SPDYE14: variants seen among roughly 807,000 people sequenced by gnomAD.
The protein encoded by SPDYE14 is speedy protein E14.
the SPDYE14 span, among the ~76,000 whole-genome samples, chr7:75,247,507 GGAAA>G: frequency 1.1e-3 from 124 of 116,752 alleles, 8 homozygotes; most frequent in Middle Eastern, 0.01. Context: ...GAAAGAAAGA[GGAAA>G]GAAAGAAAGA....
chr7:75,276,809 A>C, the SPDYE14 span, among the ~76,000 whole-genome samples: 2 of 136,278 alleles, frequency 1.5e-5, no homozygotes, highest in Non-Finnish European at 3.1e-5. Flanking sequence ...CAGGAGGATC[A>C]TGTGAGCCCA....
the SPDYE14 span, among the ~76,000 whole-genome samples, chr7:75,261,382 G>T: frequency 6.9e-5 from 4 of 57,930 alleles, no homozygotes; most frequent in African/African-American, 1.8e-4. Context: ...GGGCTCAGTG[G>T]AAGCTTACCT....
At chr7:75,279,309 CAG>C in the SPDYE14 span, among the ~76,000 whole-genome samples, 3 of 64,950 alleles carry the variant, frequency 4.6e-5, no homozygotes, top group Non-Finnish European at 8.7e-5. Context: ...TCTTTTGAGA[CAG>C]AGTCTCACTC....
At chr7:75,238,522 C>CCCCTG in the SPDYE14 span, among the ~76,000 whole-genome samples, 1 of 39,224 alleles carries the variant, frequency 2.5e-5, no homozygotes, top group Non-Finnish European at 8.5e-5. Flanking sequence ...GGCCCACGCG[C>CCCCTG]CCGGACCACA....
chr7:75,272,989 G>A, the SPDYE14 span, among the ~76,000 whole-genome samples: 2 of 58,324 alleles, frequency 3.4e-5, 1 homozygote, highest in East Asian at 4.2e-3. Context: ...ATCACGGGGC[G>A]GATTTCTCAT....
the SPDYE14 span, among the ~76,000 whole-genome samples, chr7:75,273,334 C>T: frequency 1.3e-4 from 8 of 60,462 alleles, 3 homozygotes; most frequent in African/African-American, 3.2e-4. Context: ...GTCATGAGTT[C>T]GAGACCAGCC....
At chr7:75,265,204 AT>A in the SPDYE14 span, among the ~76,000 whole-genome samples, 1 of 78,710 alleles carries the variant, frequency 1.3e-5, no homozygotes, top group Non-Finnish European at 2.5e-5. Context: ...GGTTCAAGTG[AT>A]TATCCTGCCT....
the SPDYE14 span, among the ~76,000 whole-genome samples, chr7:75,244,198 T>C: frequency 7.5e-5 from 3 of 40,064 alleles, 1 homozygote; most frequent in Admixed American, 8.1e-4. Context: ...CCCAGGTTCA[T>C]GCCATTCTCC....
the SPDYE14 span, among the ~76,000 whole-genome samples, chr7:75,247,490 A>C: frequency 8.2e-6 from 1 of 121,654 alleles, no homozygotes. Context: ...GAAAAGAAAG[A>C]AAGAAAGAAA....
chr7:75,274,966 G>A, the SPDYE14 span, among the ~76,000 whole-genome samples: 4 of 62,288 alleles, frequency 6.4e-5, 2 homozygotes, highest in Admixed American at 4.4e-4. Context: ...GACCCCGTCC[G>A]GGAGGTGAGG....
the SPDYE14 span, among the ~76,000 whole-genome samples, chr7:75,244,108 T>TG: frequency 1.5e-4 from 8 of 51,966 alleles, 4 homozygotes; most frequent in African/African-American, 4.1e-4. Context: ...TGCTTTTTTT[T>TG]TGTGTGTGAG....
the SPDYE14 span, among the ~76,000 whole-genome samples, chr7:75,272,899 C>G: frequency 6.3e-4 from 26 of 41,140 alleles, 12 homozygotes; most frequent in Middle Eastern, 0.03. Flanking sequence ...AAAAAAAAAA[C>G]AAAAAAAGAA....
chr7:75,261,073 C>T, the SPDYE14 span, among the ~76,000 whole-genome samples: 10 of 87,778 alleles, frequency 1.1e-4, 3 homozygotes, highest in South Asian at 3.6e-3. Context: ...TGCAGTGAGC[C>T]GAGATCGCAC....
At chr7:75,249,628 T>TCCTCCCTC in the SPDYE14 span, among the ~76,000 whole-genome samples, 4 of 52,074 alleles carry the variant, frequency 7.7e-5, no homozygotes, top group Non-Finnish European at 1.6e-4. Context: ...CTTCCTTCCT[T>TCCTCCCTC]CCTTCCTTCC....
At chr7:75,268,723 C>CA in the SPDYE14 span, among the ~76,000 whole-genome samples, 6 of 60,212 alleles carry the variant, frequency 1.0e-4, no homozygotes, top group African/African-American at 2.6e-4. Context: ...TACAAAAAAA[C>CA]AAAAAAACAA....
the SPDYE14 span, among the ~76,000 whole-genome samples, chr7:75,275,092 C>T: frequency 6.6e-5 from 4 of 60,348 alleles, no homozygotes; most frequent in African/African-American, 1.3e-4. Flanking sequence ...CCGCCCCCTC[C>T]GGGAGGGAGG....
At chr7:75,272,646 A>G in the SPDYE14 span, among the ~76,000 whole-genome samples, 1 of 54,766 alleles carries the variant, frequency 1.8e-5, no homozygotes. Context: ...CAGCACTTTG[A>G]GAGGCCAAGG....
At chr7:75,237,787 G>A in the SPDYE14 span, 1 of 113,376 alleles carries the variant, frequency 8.8e-6, no homozygotes. Flanking sequence ...CGCCTGGGGG[G>A]GCTCCCCCGG....
the SPDYE14 span, among the ~76,000 whole-genome samples, chr7:75,254,677 T>C: frequency 1.3e-3 from 6 of 4,760 alleles, no homozygotes; most frequent in Non-Finnish European, 2.1e-3. Context: ...CCCTTCCCCT[T>C]CCCTTCCCCT....
Sources: allele counts gnomAD v4.1 joint callset (sites outside exome capture counted in the v4.1 genomes callset), GRCh38; gene constraint gnomAD v4.1.1; transcripts MANE v1.5; gene names NCBI Gene and HGNC (gene_info 2026-07-23, HGNC 2026-07-21).